The following IRX6 variants were observed in gnomAD, a reference collection of about 807,000 sequenced individuals.
IRX6 encodes the protein iroquois-class homeodomain protein IRX-6.
IRX6 carries 46 observed loss-of-function variants against 47.7 expected under a neutral mutation model. That is an observed-to-expected ratio of 0.96 (90% CI 0.76 to 1.23). The LOEUF (loss-of-function observed/expected upper bound fraction) is 1.23. Among genes scored for constraint, IRX6 ranks in the 50% most tolerant of loss-of-function variants. The probability of loss-of-function intolerance (pLI) is 0.00; values close to 1 mark genes in which losing one functional copy is unlikely to be tolerated. For synonymous variants in IRX6, 265 were observed against 246.2 expected (o/e 1.08, Z -0.72); for missense variants, 722 against 588.0 (o/e 1.23, Z -2.36).
Position 55,327,391 on chromosome 16 carries a change from G to C in IRX6, c.399G>C (p.Gln133His). Residue 133 changes from glutamine to histidine, a missense_variant, in exon 3 of 6, where the codon CAG becomes CAC. Coordinates refer to ENST00000290552, the MANE Select transcript of IRX6 (RefSeq NM_024335.3). ...AYYPYERTLG[Q>H]YQYERYGAVE... is the part of the protein sequence containing the mutation. Reference sequence around the variant, plus strand: ...ATCCCTATGAGCGGACTCTGGGGCAGTACCAATATGAACGGTAAGGAGTGA... The same window carrying C: ...ATCCCTATGAGCGGACTCTGGGGCACTACCAATATGAACGGTAAGGAGTGA... The C allele has an allele frequency of 6.2e-7, 1 of 1,612,890 alleles. No individual in the cohort carries two copies. Among genetic ancestry groups the C allele is most frequent in the Non-Finnish European group, 8.5e-7 (1 of 1,178,912 alleles).
At chr16:55,326,986 A>C (rs1960542874) in intron 2 of IRX6, 5 of 217,904 alleles carry the variant, frequency 2.3e-5, no homozygotes, top group African/African-American at 3.0e-5. Flanking sequence ...TAAGGGGGGA[A>C]AGGAGGGAGG....
chr16:55,326,748 C>T lies in IRX6; in HGVS notation c.303+155C>T, dbSNP rs538813058. The T allele has an allele frequency of 1.8e-5, 12 of 665,392 alleles. No homozygotes were observed. In the South Asian group the frequency reaches 3.3e-4, roughly 18 times the overall value. 41.2% of individuals were successfully genotyped at this position (665,392 alleles called of 1,614,324 possible). ...ATACAGTACCTTACAGTTTGCAGAA[C>T]TTCATACTGTTTAGAAAACATTTAT... On this transcript the variant is annotated intron_variant, in intron 2 of 5. Coordinates refer to ENST00000290552, the MANE Select transcript of IRX6 (RefSeq NM_024335.3).
At chr16:55,326,246 T>C (rs1960518898) in intron 1 of IRX6, 90 bp from the exon 2 acceptor site, 1 of 1,161,146 alleles carries the variant, frequency 8.6e-7, no homozygotes, top group Admixed American at 2.8e-5. Flanking sequence ...TGATTTTCTC[T>C]TCTTTGTTTC....
chr16:55,326,018 A>C, intron 1 of IRX6: 3 of 325,396 alleles, frequency 9.2e-6, no homozygotes, highest in Non-Finnish European at 1.7e-5. Flanking sequence ...AGGGTAGGGA[A>C]GGGAGCAGAG....
In IRX6 at chr16:55,326,446, C is replaced by A; in HGVS notation, c.156C>A (p.Tyr52Ter). The A allele has an allele frequency of 1.2e-6, 2 of 1,613,898 alleles. No homozygotes were observed. The highest frequency in any genetic ancestry group is 1.7e-6 in the Non-Finnish European group (2 of 1,180,038). ...CGCCCGCTCTCTGCTGCGCACCCTA[C>A]GATAGTCGACTGCTGGGCAGTGCGC... Reference protein sequence around the residue: ...TPAPALCCAPYDSRLLGSARP... With the variant: ...TPAPALCCAP The change falls in exon 2 of 6, where the codon TAC (tyrosine) becomes TAA (stop). Residue 52 changes from tyrosine (Y) to a stop codon, truncating the protein, a stop_gained. Transcript: ENST00000290552. LOFTEE classifies it high-confidence loss of function.
In IRX6 at chr16:55,328,800, A is replaced by T. The variant is rs1960584939; in HGVS notation, c.822A>T (p.Val274=). The T allele has an allele frequency of 6.2e-7, 1 of 1,610,022 alleles. No homozygotes were observed. The highest frequency in any genetic ancestry group is 8.5e-7 in the Non-Finnish European group (1 of 1,177,260). ...EEEEEAEDEE[V]VATAGDRLTE... Reference sequence around the variant, plus strand: ...AGGAGGAAGCTGAAGACGAGGAGGTAGTGGCCACAGCTGGGGACAGGCTGA... The same window carrying T: ...AGGAGGAAGCTGAAGACGAGGAGGTTGTGGCCACAGCTGGGGACAGGCTGA... The change falls in exon 5 of 6, where the codon GTA becomes GTT. Residue 274 remains valine (V), a synonymous_variant. Coordinates refer to ENST00000290552, the MANE Select transcript of IRX6 (RefSeq NM_024335.3).
chr16:55,329,788 A>C (rs1960610740), intron 5 of IRX6, among the ~76,000 whole-genome samples: 1 of 152,154 alleles, frequency 6.6e-6, no homozygotes, highest in African/African-American at 2.4e-5. Context: ...CACACCACAG[A>C]TTTAAGGTCA....
At chr16:55,329,661 G>T (rs1052789446) in intron 5 of IRX6, among the ~76,000 whole-genome samples, 17 of 148,206 alleles carry the variant, frequency 1.1e-4, no homozygotes, top group African/African-American at 3.5e-4. Flanking sequence ...AAACGCCCTT[G>T]TCCCCTGCCT....
Position 55,326,347 on chromosome 16 carries a change from GGCAAGTTCCA to G in IRX6, c.61_70del (p.Ser21ProfsTer78). The G allele has an allele frequency of 6.2e-7, 1 of 1,612,870 alleles. No individual in the cohort carries two copies. Among genetic ancestry groups the G allele is most frequent in the Non-Finnish European group, 8.5e-7 (1 of 1,179,438 alleles). ...TCTTGCCCCTATAGTTTCTGGCGTCGGCAAGTTCCAGCACCACATGCTGCGAATCTACCCA... is the reference window on the plus strand; with the variant it reads ...TCTTGCCCCTATAGTTTCTGGCGTCGGCACCACATGCTGCGAATCTACCCA... On this transcript the variant is annotated frameshift_variant, in exon 2 of 6. Transcript: ENST00000290552. LOFTEE classifies it high-confidence loss of function.
intron 2 of IRX6, chr16:55,326,849 A>G (rs1960536979): frequency 2.3e-6 from 1 of 427,892 alleles, no homozygotes; most frequent in Admixed American, 4.0e-5. Flanking sequence ...GGTGCACAGG[A>G]GTTCAAATAC....
rs568663951 is a variant in IRX6 at position 55,327,919 on chromosome 16, C to A, written c.721+26C>A. Reference sequence around the variant, plus strand: ...GTACTGAAAACGTTCACCACCCCACCTTAAGGGTTTTACAAGTCATCAAGC... The same window carrying A: ...GTACTGAAAACGTTCACCACCCCACATTAAGGGTTTTACAAGTCATCAAGC... On this transcript the variant is annotated intron_variant, in intron 4 of 5. Transcript: ENST00000290552. 2.7e-5 allele frequency: 42 copies of A among 1,559,144 alleles called. No homozygotes were observed. The Admixed American group carries it at 4.0e-4, about 15-fold the overall frequency.
chr16:55,327,039 G>A (rs1406285784), intron 2 of IRX6: 1 of 486,800 alleles, frequency 2.1e-6, no homozygotes, highest in Non-Finnish European at 3.6e-6. Context: ...TTTAACTACT[G>A]CTTATTCTGC....
chr16:55,330,596 T>G lies in IRX6; in HGVS notation c.*291T>G. 1 of 520,538 alleles carries G rather than the reference T, an allele frequency of 1.9e-6. No homozygotes were observed. Among genetic ancestry groups the G allele is most frequent in the South Asian group, 2.3e-5 (1 of 43,968 alleles). The allele number at this position is 520,538 out of a possible 1,614,324, so 32.2% of individuals were successfully genotyped here. ...GACTCTACCAAGTCTCTCTTCCTCC[T>G]GTGGATTCAGCAAGGCTTCCTCTCC... On this transcript the variant is annotated 3_prime_UTR_variant, in exon 6 of 6. Transcript: ENST00000290552.
At chr16:55,327,229 C>G in intron 2 of IRX6, 67 bp from the exon 3 acceptor site, 1 of 1,163,870 alleles carries the variant, frequency 8.6e-7, no homozygotes, top group Non-Finnish European at 1.3e-6. Flanking sequence ...GAACCAGACC[C>G]TTAGCTACCA....
rs1376680904 is a variant in IRX6 at position 55,329,180 on chromosome 16, A to T, written c.1202A>T (p.Asp401Val). 4.3e-6 allele frequency: 7 copies of T among 1,614,000 alleles called. No homozygotes were observed. The African/African-American group carries it at 9.3e-5, about 22-fold the overall frequency. ...RLSVPRDSAC[D>V]ESSCIPKAFG... ...TCAGTCCCCAGAGACTCCGCGTGCGACGAGTCTTCCTGCATACCCAAAGCC... is the reference window on the plus strand; with the variant it reads ...TCAGTCCCCAGAGACTCCGCGTGCGTCGAGTCTTCCTGCATACCCAAAGCC... The change falls in exon 5 of 6, where the codon GAC becomes GTC. Residue 401 changes from aspartate to valine, a missense_variant. Physicochemically the swap from Asp to Val is radical, Grantham distance 152. Coordinates refer to ENST00000290552, the MANE Select transcript of IRX6 (RefSeq NM_024335.3).
Position 55,329,037 on chromosome 16 carries a change from T to C in IRX6, c.1059T>C (p.Ser353=), listed in dbSNP as rs138193552. ...YPCLEKPRIW[S]LAHTATASAV... is the part of the protein sequence containing the mutation. Reference sequence around the variant, plus strand: ...GCTTGGAGAAACCGCGCATCTGGTCTCTGGCGCACACCGCGACAGCCAGCG... The same window carrying C: ...GCTTGGAGAAACCGCGCATCTGGTCCCTGGCGCACACCGCGACAGCCAGCG... The change falls in exon 5 of 6, where the codon TCT becomes TCC. Residue 353 remains serine, a synonymous_variant. Coordinates refer to ENST00000290552, the MANE Select transcript of IRX6 (RefSeq NM_024335.3). 240 of 1,613,872 alleles carry C rather than the reference T, an allele frequency of 1.5e-4. No individual in the cohort carries two copies. The highest frequency in any genetic ancestry group is 3.8e-5 in the Non-Finnish European group (45 of 1,180,044).
Position 55,326,474 on chromosome 16 carries a change from C to T in IRX6, c.184C>T (p.Pro62Ser), listed in dbSNP as rs766617615. 6.2e-7 allele frequency: 1 copy of T among 1,613,502 alleles called. No individual in the cohort carries two copies. The highest frequency in any genetic ancestry group is 8.5e-7 in the Non-Finnish European group (1 of 1,179,950). The change falls in exon 2 of 6, where the codon CCG becomes TCG. Residue 62 changes from proline (P) to serine (S), a missense_variant. Physicochemically the swap from Pro to Ser is moderately conservative, Grantham distance 74. Coordinates refer to ENST00000290552, the MANE Select transcript of IRX6 (RefSeq NM_024335.3). Reference protein sequence around the residue: ...YDSRLLGSARPELGAALGIYG... With the variant: ...YDSRLLGSARSELGAALGIYG... ...TAGTCGACTGCTGGGCAGTGCGCGA[C>T]CGGAGCTGGGCGCCGCCTTGGGCAT...
At chr16:55,327,052 C>T in intron 2 of IRX6, 1 of 527,360 alleles carries the variant, frequency 1.9e-6, no homozygotes, top group Non-Finnish European at 3.4e-6. Flanking sequence ...TATTCTGCAC[C>T]AGGGATTCTG....
At position 55,327,354 on chromosome 16, in the gene IRX6, C is replaced by A; in HGVS notation, c.362C>A (p.Pro121Gln). 5.0e-6 allele frequency: 8 copies of A among 1,614,058 alleles called. No individual in the cohort carries two copies. The highest frequency in any genetic ancestry group is 6.8e-6 in the Non-Finnish European group (8 of 1,179,962). The change falls in exon 3 of 6, where the codon CCA (proline) becomes CAA (glutamine). Residue 121 changes from proline to glutamine, a missense_variant. Physicochemically the swap from Pro to Gln is moderately conservative, Grantham distance 76 (BLOSUM62 -1). Coordinates refer to ENST00000290552, the MANE Select transcript of IRX6 (RefSeq NM_024335.3). ...AGSFTSSLAQ[P>Q]GAYYPYERTL... Reference sequence around the variant, plus strand: ...AGTTTTACATCCAGCCTGGCACAACCAGGAGCCTATTATCCCTATGAGCGG... The same window carrying A: ...AGTTTTACATCCAGCCTGGCACAACAAGGAGCCTATTATCCCTATGAGCGG...
Sources: allele counts gnomAD v4.1 joint callset (sites outside exome capture counted in the v4.1 genomes callset), GRCh38; gene constraint gnomAD v4.1.1; transcripts MANE v1.5; gene names NCBI Gene and HGNC (gene_info 2026-07-23, HGNC 2026-07-21).